Variants in TTC12 observed in about 807,000 individuals in gnomAD.
TTC12 encodes the protein tetratricopeptide repeat protein 12.
TTC12 carries 70 observed loss-of-function variants against 90.1 expected under a neutral mutation model. The ratio of observed to expected loss-of-function variants is 0.78; its 90% CI spans 0.64 to 0.95. TTC12 has a LOEUF of 0.95. Among genes scored for constraint, TTC12 ranks in the 40% least tolerant of loss-of-function variants. The probability of loss-of-function intolerance (pLI) is 0.00; values close to 1 mark genes in which losing one functional copy is unlikely to be tolerated. For synonymous variants in TTC12, 296 were observed against 311.5 expected (o/e 0.95, Z 0.53); for missense variants, 819 against 846.1 (o/e 0.97, Z 0.40).
At chr11:113,341,529 C>A in intron 11 of TTC12, 1 of 363,470 alleles carries the variant, frequency 2.8e-6, no homozygotes, top group Non-Finnish European at 5.1e-6. Flanking sequence ...CTTAGGATAC[C>A]CGTGTGGGTT....
At position 113,342,028 on chromosome 11, in the gene TTC12, A is replaced by T. The variant is rs1948714720; in HGVS notation, c.985+103A>T. The T allele has an allele frequency of 1.4e-5, 14 of 988,122 alleles. No individual in the cohort carries two copies. The South Asian group carries it at 1.6e-4, about 11-fold the overall frequency. The allele number at this position is 988,122 out of a possible 1,614,324, so 61.2% of individuals were successfully genotyped here. A position where few individuals can be genotyped will look rare whatever the true frequency, so the allele number is the denominator to read the frequency against. On this transcript the variant is annotated intron_variant, in intron 12 of 21. Transcript: ENST00000529221. Reference sequence around the variant, plus strand: ...CCAAAGGCCAGGCCCTGGAAAGCTGATGTCTAGACTTCCGCACACACCCAC... The same window carrying T: ...CCAAAGGCCAGGCCCTGGAAAGCTGTTGTCTAGACTTCCGCACACACCCAC...
At position 113,339,337 on chromosome 11, in the gene TTC12, A is replaced by G. The variant is rs782261510; in HGVS notation, c.689A>G (p.Glu230Gly). The G allele has an allele frequency of 6.2e-7, 1 of 1,612,248 alleles. No homozygotes were observed. The highest frequency in any genetic ancestry group is 1.7e-5 in the Admixed American group (1 of 59,316). The change falls in exon 10 of 22, where the codon GAA (glutamate) becomes GGA (glycine). Residue 230 changes from glutamate to glycine, a missense_variant. By Grantham distance (98) the Glu-to-Gly change is moderately conservative. Transcript: ENST00000529221. Reference protein sequence around the residue: ...LQEKADLQEKEAHELLDSGKN... With the variant: ...LQEKADLQEKGAHELLDSGKN... The stretch of plus-strand genomic sequence containing the variant: ...GAAAAAGCAGACCTTCAAGAAAAGG[A>G]AGCCCACGAACTGCTGGATTCAGGA...
At position 113,323,418 on chromosome 11, in the gene TTC12, G is replaced by C; in HGVS notation, c.189G>C (p.Lys63Asn). ...ATGAATGCAGGACCACCTTGAACAA[G>C]ACTATGATCAGTCCTCCACAAACTG... ...EEDECRTTLN[K>N]TMISPPQTAM... is the part of the protein sequence containing the mutation. The change falls in exon 3 of 22, where the codon AAG (lysine) becomes AAC (asparagine). Residue 63 changes from lysine to asparagine, a missense_variant. Transcript: ENST00000529221. 1 of 1,608,924 alleles carries C rather than the reference G, an allele frequency of 6.2e-7. No homozygotes were observed. The highest frequency in any genetic ancestry group is 8.5e-7 in the Non-Finnish European group (1 of 1,178,556).
intron 14 of TTC12, 111 bp from the exon 15 acceptor site, chr11:113,351,128 A>G (rs1490877081): frequency 2.1e-6 from 2 of 960,426 alleles, no homozygotes; most frequent in Non-Finnish European, 3.2e-6. Flanking sequence ...GTCCATGCAC[A>G]CTCTAAATCA....
At chr11:113,367,678 A>T (rs1176867856), downstream of TTC12, among the ~76,000 whole-genome samples, 2 of 151,988 alleles carry the variant, frequency 1.3e-5, no homozygotes, top group Non-Finnish European at 2.9e-5. Context: ...TAAATTAAGA[A>T]CTTCGTTTCT....
In TTC12 at chr11:113,365,566, G is replaced by A. The variant is rs572625362; in HGVS notation, c.2042+506G>A. 2.7e-5 allele frequency: 5 copies of A among 187,054 alleles called. No homozygotes were observed. The South Asian group carries it at 3.5e-4, about 13-fold the overall frequency. The allele number at this position is 187,054 out of a possible 1,614,324, so 11.6% of individuals were successfully genotyped here. A position where few individuals can be genotyped will look rare whatever the true frequency, so the allele number is the denominator to read the frequency against. On this transcript the variant is annotated intron_variant, in intron 21 of 21. Transcript: ENST00000529221. ...AAGGAGAGACGCAGAACAGCATGCC[G>A]AGGTCCCCAGTGAGCGAGGGCAAGA... is the stretch of plus-strand genomic sequence containing the variant.
At chr11:113,366,135 C>T in intron 21 of TTC12, 90 bp from the exon 22 acceptor site, 1 of 1,408,668 alleles carries the variant, frequency 7.1e-7, no homozygotes, top group Non-Finnish European at 9.9e-7. Context: ...CGTTCTCAGC[C>T]AGCTTCCATC....
intron 13 of TTC12, among the ~76,000 whole-genome samples, chr11:113,349,424 A>G (rs1417926555): frequency 6.6e-6 from 1 of 152,196 alleles, no homozygotes; most frequent in Non-Finnish European, 1.5e-5. Flanking sequence ...GGTGCCAGTA[A>G]GTCCGTTTGG....
intron 6 of TTC12, among the ~76,000 whole-genome samples, chr11:113,326,180 GTT>G (rs2137937862): frequency 6.6e-6 from 1 of 152,242 alleles, no homozygotes; most frequent in Admixed American, 6.5e-5. Context: ...GTTTCTGAAG[GTT>G]TTTATGCATT....
In TTC12 at chr11:113,329,985, A is replaced by G; in HGVS notation, c.504+6A>G. ...ATTGTGAGTGGGCTCTCAAGGTAAG[A>G]GGGTATTTCTTTTCCCACATGATAG... On this transcript the variant is annotated splice_donor_region_variant and intron_variant, in intron 7 of 21. Transcript: ENST00000529221. 1 of 1,611,234 alleles carries G rather than the reference A, an allele frequency of 6.2e-7. No homozygotes were observed. The highest frequency in any genetic ancestry group is 8.5e-7 in the Non-Finnish European group (1 of 1,177,348).
intron 8 of TTC12, among the ~76,000 whole-genome samples, chr11:113,337,836 G>A (rs1450653844): frequency 3.3e-5 from 5 of 150,994 alleles, no homozygotes; most frequent in African/African-American, 7.4e-5. Flanking sequence ...GGTGATGGAG[G>A]TGGTAAGAAG....
At position 113,335,731 on chromosome 11, in the gene TTC12, A is replaced by AT. The variant is rs1383361911; in HGVS notation, c.576+699dup. On this transcript the variant is annotated intron_variant, in intron 8 of 21. Transcript: ENST00000529221. Reference sequence around the variant, plus strand: ...ACTTAGTATAATGTTTGCCTGGTACATTTTTGTTGTAGTGTGTATCAGTTC... The same window carrying AT: ...ACTTAGTATAATGTTTGCCTGGTACATTTTTTGTTGTAGTGTGTATCAGTTC... Among the ~76,000 whole-genome samples, 3 of 152,118 alleles carry AT rather than the reference A, an allele frequency of 2.0e-5. 1 individual carries two copies. The highest frequency in any genetic ancestry group is 2.0e-4 in the Admixed American group (3 of 15,272).
At chr11:113,326,062 G>A (rs186844616) in intron 6 of TTC12, among the ~76,000 whole-genome samples, 3 of 152,294 alleles carry the variant, frequency 2.0e-5, no homozygotes, top group Admixed American at 1.3e-4. Flanking sequence ...CCTAGCGGAT[G>A]CCCACCTGTT....
chr11:113,319,437 G>A (rs1298522000), intron 2 of TTC12, among the ~76,000 whole-genome samples: 2 of 152,024 alleles, frequency 1.3e-5, no homozygotes, highest in African/African-American at 4.8e-5. Context: ...AATAAAGTGT[G>A]CAGTTGAGTT....
intron 2 of TTC12, among the ~76,000 whole-genome samples, chr11:113,320,863 G>A (rs1565568975): frequency 6.6e-6 from 1 of 152,166 alleles, no homozygotes; most frequent in Non-Finnish European, 1.5e-5. Context: ...CTGCGAGGGG[G>A]ATCAGAGAAC....
chr11:113,360,796 G>T (rs1949885158), intron 18 of TTC12, among the ~76,000 whole-genome samples: 1 of 152,178 alleles, frequency 6.6e-6, no homozygotes, highest in Non-Finnish European at 1.5e-5. Flanking sequence ...GTTCTGAGTA[G>T]ATCCAACATA....
rs1555146197 is a variant in TTC12, at chr11:113,341,857, A to G, written c.917A>G (p.Asn306Ser). 6.2e-7 allele frequency: 1 copy of G among 1,614,138 alleles called. No homozygotes were observed. Reference sequence around the variant, plus strand: ...TCTAGGTGTTTTTCCACAGCAGGAAATGATGCAGTTGAAGAAATGGTCTGT... The same window carrying G: ...TCTAGGTGTTTTTCCACAGCAGGAAGTGATGCAGTTGAAGAAATGGTCTGT... Reference protein sequence around the residue: ...VIRRCFSTAGNDAVEEMVCVS... With the variant: ...VIRRCFSTAGSDAVEEMVCVS... Residue 306 changes from asparagine to serine, a missense_variant, in exon 12 of 22, where the codon AAT (asparagine) becomes AGT (serine). Coordinates refer to ENST00000529221, the MANE Select transcript of TTC12 (RefSeq NM_017868.4).
chr11:113,319,038 T>C (rs1372067949), intron 2 of TTC12, among the ~76,000 whole-genome samples: 1 of 152,018 alleles, frequency 6.6e-6, no homozygotes, highest in African/African-American at 2.4e-5. Context: ...GAGTACAGTA[T>C]GGAAAGGGAG....
At chr11:113,347,681 T>C (rs762120905) in intron 13 of TTC12, among the ~76,000 whole-genome samples, 15 of 152,204 alleles carry the variant, frequency 9.9e-5, no homozygotes, top group East Asian at 1.9e-4. Flanking sequence ...AATACTGATA[T>C]ATTCCAGGTT....
Sources: gnomAD v4.1 joint callset for allele counts (sites outside exome capture counted in the v4.1 genomes callset) on GRCh38, gnomAD v4.1.1 for gene constraint, MANE v1.5 for transcripts, NCBI Gene and HGNC (gene_info 2026-07-23, HGNC 2026-07-21) for gene names.